The following ZNF790 variants were observed in gnomAD, a reference collection of about 807,000 sequenced individuals.
ZNF790 encodes zinc finger protein 790.
In ZNF790, 8 loss-of-function variants were observed where a neutral mutation model predicts 12.1. The ratio of observed to expected loss-of-function variants is 0.66; its 90% confidence interval spans 0.39 to 1.19. The LOEUF (loss-of-function observed/expected upper bound fraction) is 1.19, where lower values mean the gene tolerates loss of function less well. Among genes scored for constraint, ZNF790 ranks in the 50% most tolerant of loss-of-function variants. The pLI is 0.01. For synonymous variants in ZNF790, 252 were observed against 244.3 expected, an observed-to-expected ratio of 1.03 and a Z score of -0.29; for missense variants, 707 against 752.2, an observed-to-expected ratio of 0.94 and a Z score of 0.70.
chr19:36,836,631 C>A (rs577181578), intron 1 of ZNF790, among the ~76,000 whole-genome samples: 87 of 152,094 alleles, frequency 5.7e-4, no homozygotes, highest in Admixed American at 5.4e-3. Flanking sequence ...GTGGCACGCA[C>A]CTGTAGTCCC....
At chr19:36,831,860 T>G (rs758412476) in intron 1 of ZNF790, among the ~76,000 whole-genome samples, 3 of 151,932 alleles carry the variant, frequency 2.0e-5, no homozygotes, top group Non-Finnish European at 4.4e-5. Context: ...CAGGTGAAAA[T>G]GAACCAAAAT....
intron 1 of ZNF790, among the ~76,000 whole-genome samples, chr19:36,833,048 C>G (rs2071973344): frequency 6.7e-6 from 1 of 149,788 alleles, no homozygotes; most frequent in Non-Finnish European, 1.5e-5. Context: ...AACATACAAG[C>G]AAAAAGTAGG....
chr19:36,844,996 T>C (rs1480562848), intron 1 of ZNF790, among the ~76,000 whole-genome samples: 73 of 121,034 alleles, frequency 6.0e-4, no homozygotes, highest in Non-Finnish European at 7.1e-4. Context: ...TGCAGTGAGC[T>C]GAGATCCCGC....
At position 36,820,000 on chromosome 19, in the gene ZNF790, A is replaced by G. The variant is rs575637044; in HGVS notation, c.344T>C (p.Leu115Ser). The change falls in exon 5 of 5, where the codon TTA becomes TCA. Residue 115 changes from leucine to serine, a missense_variant. Transcript: ENST00000356725. ...RICKNHSLDC[L>S]CFRGDWEGNT... ...GCCTTCCCAGTCACCTCTAAAACAT[A>G]AACAGTCAAGGCTGTGGTTTTTACA... is the stretch of plus-strand genomic sequence containing the variant. 2.4e-5 allele frequency: 38 copies of G among 1,613,932 alleles called. No homozygotes were observed. Among genetic ancestry groups the G allele is most frequent in the Non-Finnish European group, 2.9e-5 (34 of 1,180,030 alleles).
chr19:36,848,641 T>A (rs1394825138), intron 1 of ZNF790, among the ~76,000 whole-genome samples: 1 of 135,914 alleles, frequency 7.4e-6, no homozygotes, highest in Non-Finnish European at 1.5e-5. Context: ...TTGGGTCTTT[T>A]TGTTTGTTTG....
At chr19:36,825,392 T>C (rs2071775413) in intron 2 of ZNF790, among the ~76,000 whole-genome samples, 1 of 152,182 alleles carries the variant, frequency 6.6e-6, no homozygotes, top group South Asian at 2.1e-4. Context: ...CTCTGCCAGA[T>C]TGGGACACAG....
At chr19:36,822,588 T>C (rs1047085455) in intron 4 of ZNF790, among the ~76,000 whole-genome samples, 1 of 152,264 alleles carries the variant, frequency 6.6e-6, no homozygotes, top group African/African-American at 2.4e-5. Context: ...CAGCCCAGGC[T>C]AGAGTGCAGT....
At chr19:36,833,054 G>A (rs2071973503) in intron 1 of ZNF790, among the ~76,000 whole-genome samples, 1 of 150,558 alleles carries the variant, frequency 6.6e-6, no homozygotes, top group Admixed American at 6.6e-5. Flanking sequence ...CAAGCAAAAA[G>A]TAGGAAATTT....
chr19:36,838,629 C>T (rs2072100004), upstream of ZNF790, among the ~76,000 whole-genome samples: 1 of 152,232 alleles, frequency 6.6e-6, no homozygotes, highest in African/African-American at 2.4e-5. The surrounding 1 kb of genome is among the most constrained non-coding windows in gnomAD (Gnocchi z 4.4). Context: ...GGCATGCAGG[C>T]TGCCCTACCT....
At chr19:36,825,586 T>C in intron 2 of ZNF790, 25 bp downstream of exon 2, 1 of 1,612,266 alleles carries the variant, frequency 6.2e-7, no homozygotes, top group Non-Finnish European at 8.5e-7. Flanking sequence ...GGTTATATTT[T>C]TGGAGAGAGG....
chr19:36,818,867 G>A lies in ZNF790; in HGVS notation c.1477C>T (p.Leu493Phe), dbSNP rs2071600473. The change falls in exon 5 of 5, where the codon CTT (leucine) becomes TTT (phenylalanine). Residue 493 changes from leucine (L) to phenylalanine (F), a missense_variant. Coordinates refer to ENST00000356725, the MANE Select transcript of ZNF790 (RefSeq NM_206894.4). The part of the protein sequence containing the change: ...CGKTFFRGSE[L>F]NRHQKIHTGK... ...GTATGAATTTTCTGGTGTCGATTAA[G>A]TTCTGAACCACGAAAAAAGGTCTTT... 1.2e-6 allele frequency: 2 copies of A among 1,613,614 alleles called. No individual in the cohort carries two copies. The highest frequency in any genetic ancestry group is 1.7e-6 in the Non-Finnish European group (2 of 1,179,914).
At position 36,838,068 on chromosome 19, in the gene ZNF790, TCA is replaced by T. The variant is rs1056282403; in HGVS notation, c.-74+267_-74+268del. On this transcript the variant is annotated intron_variant, in intron 1 of 4. Coordinates refer to ENST00000356725, the MANE Select transcript of ZNF790 (RefSeq NM_206894.4). The surrounding 1 kb of genome is among the most constrained non-coding windows in gnomAD (Gnocchi z 4.4). ...GTCACATTTAAATAGTCCATTAGGG[TCA>T]CACACAGCGCCTGTCAACGTCGTGT... 7 of 152,134 alleles carry T rather than the reference TCA, an allele frequency of 4.6e-5. No individual in the cohort carries two copies. Among genetic ancestry groups the T allele is most frequent in the Admixed American group, 2.6e-4 (4 of 15,232 alleles). The allele number at this position is 152,134 out of a possible 1,614,324, so 9.4% of individuals were successfully genotyped here.
rs181063135 is a variant in ZNF790 at position 36,819,534 on chromosome 19, A to G, written c.810T>C (p.Ser270=). Residue 270 remains serine (S), a synonymous_variant, in exon 5 of 5, where the codon AGT becomes AGC. Coordinates refer to ENST00000356725, the MANE Select transcript of ZNF790 (RefSeq NM_206894.4). Reference sequence around the variant, plus strand: ...CACCAGTATGAATTCGCTTATGGACACTAAGTTGTGAATGAAATCTAAAGG... The same window carrying G: ...CACCAGTATGAATTCGCTTATGGACGCTAAGTTGTGAATGAAATCTAAAGG... The part of the protein sequence containing the change: ...GKAFRFHSQL[S]VHKRIHTGEK... 6.2e-7 allele frequency: 1 copy of G among 1,613,034 alleles called. No homozygotes were observed. The highest frequency in any genetic ancestry group is 1.7e-5 in the Admixed American group (1 of 59,830).
At position 36,823,330 on chromosome 19, in the gene ZNF790, C is replaced by G; in HGVS notation, c.184G>C (p.Glu62Gln). The stretch of plus-strand genomic sequence containing the variant: ...TCATCCCTCAAAATCTTCCAGGGCT[C>G]TTTCCCTTTCTCCAATAAAGAGAAC... ...EAFSLLEKGK[E>Q]PWKILRDETR... is the part of the protein sequence containing the mutation. The change falls in exon 4 of 5, where the codon GAG (glutamate) becomes CAG (glutamine). Residue 62 changes from glutamate (E) to glutamine (Q), a missense_variant. Glu to Gln is a conservative substitution (Grantham distance 29). Coordinates refer to ENST00000356725, the MANE Select transcript of ZNF790 (RefSeq NM_206894.4). 1 of 1,614,158 alleles carries G rather than the reference C, an allele frequency of 6.2e-7. No individual in the cohort carries two copies. The highest frequency in any genetic ancestry group is 8.5e-7 in the Non-Finnish European group (1 of 1,180,030).
chr19:36,824,329 C>T (rs1568336534), intron 2 of ZNF790, among the ~76,000 whole-genome samples: 1 of 150,600 alleles, frequency 6.6e-6, no homozygotes, highest in African/African-American at 2.5e-5. Context: ...TTTTACGAGA[C>T]AGAGTGTTGC....
At chr19:36,824,260 G>A (rs929961126) in intron 2 of ZNF790, among the ~76,000 whole-genome samples, 4 of 151,836 alleles carry the variant, frequency 2.6e-5, no homozygotes, top group Admixed American at 2.6e-4. Context: ...GCCTCCCAAA[G>A]TGCTGGGATT....
chr19:36,836,463 C>A (rs78379370), intron 1 of ZNF790, among the ~76,000 whole-genome samples: 25 of 149,700 alleles, frequency 1.7e-4, no homozygotes, highest in South Asian at 6.3e-4. Flanking sequence ...AAAAAAAAAA[C>A]ACACACACAC....
chr19:36,827,141 CATATATATATATATATATATATATATAT>C (rs369671729), intron 1 of ZNF790, among the ~76,000 whole-genome samples: 12 of 84,440 alleles, frequency 1.4e-4, no homozygotes, highest in Non-Finnish European at 2.3e-4. Flanking sequence ...CACACACACA[CATATATATATATATATATATATATATAT>C]ATATATATAC....
Position 36,820,056 on chromosome 19 carries a change from T to C in ZNF790, c.288A>G (p.Arg96=). The change falls in exon 5 of 5, where the codon AGA becomes AGG. Residue 96 remains arginine, a synonymous_variant. Transcript: ENST00000356725. The part of the protein sequence containing the change: ...KLLPKNGIFE[R]EIAQLEIMRI... ...TCATTATTTCCAATTGGGCTATTTC[T>C]CTCTCAAAAATGCCATTTTTTGGTA... 6.2e-7 allele frequency: 1 copy of C among 1,611,576 alleles called. No individual in the cohort carries two copies. The highest frequency in any genetic ancestry group is 8.5e-7 in the Non-Finnish European group (1 of 1,179,906).
Sources: gnomAD v4.1 joint callset for allele counts (sites outside exome capture counted in the v4.1 genomes callset) on GRCh38, gnomAD v4.1.1 for gene constraint, Gnocchi (gnomAD v3.1) non-coding constraint, MANE v1.5 for transcripts, NCBI Gene and HGNC (gene_info 2026-07-23, HGNC 2026-07-21) for gene names.